The following SNED1 variants were observed in gnomAD, a reference collection of about 807,000 sequenced individuals.
The protein encoded by SNED1 is sushi, nidogen and EGF like domains 1, also known as sushi, nidogen and EGF-like domain-containing protein 1.
Under a neutral mutation model 166.7 loss-of-function variants are expected in SNED1, and 81 were observed. The ratio of observed to expected loss-of-function variants is 0.49; its 90% CI spans 0.41 to 0.58. The LOEUF (loss-of-function observed/expected upper bound fraction) is 0.58. Among genes scored for constraint, SNED1 ranks in the 20% least tolerant of loss-of-function variants. The pLI is 0.00. For synonymous variants in SNED1, 762 were observed against 822.0 expected (o/e 0.93, Z 1.25); for missense variants, 1,604 against 2,000.2 (o/e 0.80, Z 3.78).
intron 2 of SNED1, among the ~76,000 whole-genome samples, chr2:241,032,372 C>T (rs2058060): frequency 0.011 from 1,648 of 151,684 alleles, 88 homozygotes; most frequent in Admixed American, 0.087. Flanking sequence ...AAAATCTACA[C>T]GTTCATACTC....
rs1278055621 is a variant in SNED1, at chr2:240,998,886, C to T, written c.49C>T (p.Leu17Phe). ...GCTGCTGGTGGCCGCGGCCCTGGGG[C>T]TTGGGGCGCGCGGGGTGCGCGGCGC... Reference protein sequence around the residue: ...WALLVAAALGLGARGVRGAVA... With the variant: ...WALLVAAALGFGARGVRGAVA... The change falls in exon 1 of 32, where the codon CTT becomes TTT. Residue 17 changes from leucine to phenylalanine, a missense_variant. Transcript: ENST00000310397. 41 of 1,224,012 alleles carry T rather than the reference C, an allele frequency of 3.3e-5. No individual in the cohort carries two copies. Among genetic ancestry groups the T allele is most frequent in the Non-Finnish European group, 4.2e-5 (41 of 983,328 alleles). The allele number at this position is 1,224,012 out of a possible 1,614,324, so 75.8% of individuals were successfully genotyped here.
chr2:241,040,261 C>A, intron 7 of SNED1, 39 bp from the exon 8 acceptor site: 1 of 1,573,868 alleles, frequency 6.4e-7, no homozygotes, highest in Non-Finnish European at 8.6e-7. Flanking sequence ...GTGGTTGTGG[C>A]CTGGCTCAAG....
chr2:241,049,234 C>A, intron 11 of SNED1, 99 bp downstream of exon 11: 1 of 866,072 alleles, frequency 1.2e-6, no homozygotes, highest in Non-Finnish European at 1.8e-6. Context: ...TCCCTACTTC[C>A]CTTCTGACTC....
chr2:241,066,412 C>G (rs2062451723), intron 21 of SNED1, among the ~76,000 whole-genome samples: 2 of 152,214 alleles, frequency 1.3e-5, no homozygotes, highest in African/African-American at 4.8e-5. Flanking sequence ...AGAGGGCTGG[C>G]CTTCCACGGA....
intron 27 of SNED1, among the ~76,000 whole-genome samples, chr2:241,076,476 T>C (rs1352158836): frequency 1.3e-5 from 2 of 152,256 alleles, no homozygotes; most frequent in Non-Finnish European, 1.5e-5. Context: ...ACTGACCTTA[T>C]AGCCAACCAT....
chr2:241,039,610 C>T (rs1480792703), intron 6 of SNED1, among the ~76,000 whole-genome samples: 1 of 152,082 alleles, frequency 6.6e-6, no homozygotes, highest in East Asian at 1.9e-4. Flanking sequence ...TTGCCCTGGC[C>T]GTTCCTGCAC....
chr2:241,066,376 G>A (rs960082938), intron 21 of SNED1, among the ~76,000 whole-genome samples: 6 of 152,198 alleles, frequency 3.9e-5, no homozygotes, highest in Non-Finnish European at 7.4e-5. Flanking sequence ...GGCAGTGGAC[G>A]GACAGGGGCA....
rs374305124 is a variant in SNED1, at chr2:241,081,761, G to A, written c.4001G>A (p.Gly1334Glu). The change falls in exon 28 of 32, where the codon GGG becomes GAG. Residue 1334 changes from glycine to glutamate, a missense_variant. By Grantham distance (98) the Gly-to-Glu change is moderately conservative. Transcript: ENST00000310397. ...PGADAHSCDC[G>E]PGFKGRRCEL... ...GCAGACGCCCACAGCTGTGACTGCG[G>A]GCCAGGGTTCAAAGGCAGACGCTGC... is the stretch of plus-strand genomic sequence containing the variant. 64 of 1,602,352 alleles carry A rather than the reference G, an allele frequency of 4.0e-5. No homozygotes were observed. Among genetic ancestry groups the A allele is most frequent in the South Asian group, 1.9e-4 (17 of 88,792 alleles).
At position 241,051,866 on chromosome 2, in the gene SNED1, GC is replaced by G. The variant is rs758722048; in HGVS notation, c.1852+11del. 3 of 1,532,622 alleles carry G rather than the reference GC, an allele frequency of 2.0e-6. No individual in the cohort carries two copies. The highest frequency in any genetic ancestry group is 2.5e-5 in the South Asian group (2 of 80,944). The allele number at this position is 1,532,622 out of a possible 1,614,324, so 94.9% of individuals were successfully genotyped here. A position where few individuals can be genotyped will look rare whatever the true frequency, so the allele number is the denominator to read the frequency against. On this transcript the variant is annotated splice_region_variant and intron_variant, in intron 13 of 31. Coordinates refer to ENST00000310397, the MANE Select transcript of SNED1 (RefSeq NM_001080437.3). This position sits in a 1 kb window ranked among gnomAD's most constrained non-coding sequence, Gnocchi z 4.7. ...TGGGAGGCACTGTGAGATCGGTGCGGCCCCCAGGGGCAGGGGGGAGGGCAGG... is the reference window on the plus strand; with the variant it reads ...TGGGAGGCACTGTGAGATCGGTGCGGCCCCAGGGGCAGGGGGGAGGGCAGG...
chr2:241,011,130 AGGTCTCCTGGT>A (rs2060382405), intron 1 of SNED1, among the ~76,000 whole-genome samples: 4 of 96,576 alleles, frequency 4.1e-5, no homozygotes, highest in African/African-American at 2.3e-4. Context: ...TGGGGGTGGC[AGGTCTCCTGGT>A]TCTCCTGGGT....
chr2:241,039,809 A>G lies in SNED1; in HGVS notation c.1046-266A>G, dbSNP rs150049009. ...GTGGGAGTGATTTCCATGCACCCCC[A>G]TTTGCCCCTGCCCAGCATACACACC... On this transcript the variant is annotated intron_variant, in intron 6 of 31. Transcript: ENST00000310397. Among the ~76,000 whole-genome samples the G allele has an allele frequency of 2.5e-3, 381 of 152,056 alleles. No homozygotes were observed. The Middle Eastern group carries it at 0.034, about 14-fold the overall frequency.
intron 31 of SNED1, chr2:241,089,507 A>C: frequency 1.4e-6 from 2 of 1,406,178 alleles, no homozygotes; most frequent in South Asian, 1.4e-5. Flanking sequence ...GGAGCTCCGC[A>C]CATGGCAGGA....
chr2:241,038,309 A>G (rs995061644), intron 6 of SNED1, among the ~76,000 whole-genome samples: 2 of 152,230 alleles, frequency 1.3e-5, no homozygotes, highest in Admixed American at 6.5e-5. Flanking sequence ...TCAGATATTT[A>G]TGGTCATGGG....
intron 2 of SNED1, among the ~76,000 whole-genome samples, chr2:241,032,206 C>T (rs1350619997): frequency 6.6e-6 from 1 of 151,990 alleles, no homozygotes; most frequent in Admixed American, 6.6e-5. Context: ...CGAAGTCAGC[C>T]GGGTGTGATG....
intron 4 of SNED1, 43 bp from the exon 5 acceptor site, chr2:241,036,747 C>T (rs2061383998): frequency 3.7e-6 from 6 of 1,600,290 alleles, no homozygotes; most frequent in South Asian, 2.2e-5. Context: ...CTGCCGAGTC[C>T]GGAGGCAGCG....
At chr2:241,037,170 C>G in intron 5 of SNED1, 70 bp from the exon 6 acceptor site, 1 of 1,348,394 alleles carries the variant, frequency 7.4e-7, no homozygotes. Flanking sequence ...CCCGGCCCAA[C>G]CCGAGCCCTT....
At chr2:241,083,677 G>T (rs2063440952) in intron 29 of SNED1, among the ~76,000 whole-genome samples, 2 of 152,200 alleles carry the variant, frequency 1.3e-5, no homozygotes, top group African/African-American at 4.8e-5. Context: ...ACCAGTGCCT[G>T]CTGGTGACCA....
intron 1 of SNED1, among the ~76,000 whole-genome samples, chr2:241,022,917 C>G (rs995026431): frequency 5.9e-5 from 9 of 152,170 alleles, no homozygotes; most frequent in Non-Finnish European, 1.3e-4. Flanking sequence ...ATGGTAGCCT[C>G]TTTTTCAGTC....
intron 30 of SNED1, chr2:241,088,112 CCT>C (rs1040524248): frequency 5.8e-3 from 2,800 of 484,894 alleles, no homozygotes; most frequent in South Asian, 9.1e-3. Flanking sequence ...CCACGTCCAT[CCT>C]CTCTCTCTCT....
Sources: gnomAD v4.1 joint callset for allele counts (sites outside exome capture counted in the v4.1 genomes callset) on GRCh38, gnomAD v4.1.1 for gene constraint, Gnocchi (gnomAD v3.1) non-coding constraint, MANE v1.5 for transcripts, NCBI Gene and HGNC (gene_info 2026-07-23, HGNC 2026-07-21) for gene names.